The following SMPDL3A variants were observed in gnomAD, a reference collection of about 807,000 sequenced individuals.
SMPDL3A encodes sphingomyelin phosphodiesterase acid like 3A, also known as cyclic GMP-AMP phosphodiesterase SMPDL3A.
Under a neutral mutation model 38.5 loss-of-function variants are expected in SMPDL3A, and 39 were observed. That is an observed-to-expected ratio of 1.01 (90% CI 0.78 to 1.32). The LOEUF (loss-of-function observed/expected upper bound fraction) is 1.32. SMPDL3A is among the 40% of genes most tolerant of loss of function. SMPDL3A has a pLI of 0.00. For synonymous variants in SMPDL3A, 180 were observed against 194.3 expected (o/e 0.93, Z 0.61); for missense variants, 502 against 536.2 (o/e 0.94, Z 0.63).
intron 1 of SMPDL3A, among the ~76,000 whole-genome samples, chr6:122,790,827 A>C (rs2115156872): frequency 6.6e-6 from 1 of 152,274 alleles, no homozygotes; most frequent in South Asian, 2.1e-4. Context: ...CTGTGTTTTA[A>C]AGAGGCCTGA....
chr6:122,807,919 C>CCA (rs1439399821), intron 7 of SMPDL3A, among the ~76,000 whole-genome samples: 2 of 152,040 alleles, frequency 1.3e-5, no homozygotes, highest in African/African-American at 2.4e-5. Context: ...ATATATACAT[C>CCA]CACACACACA....
Position 122,801,325 on chromosome 6 carries a change from G to A in SMPDL3A, c.487G>A (p.Val163Ile). ...DYWPQDQLPV[V>I]TSKVYNAVAN... ...TTGTGGCCAGGATCAACTGCCTGTAGTCACCAGTAAAGTGTACAATGCAGT... is the reference window on the plus strand; with the variant it reads ...TTGTGGCCAGGATCAACTGCCTGTAATCACCAGTAAAGTGTACAATGCAGT... The change falls in exon 4 of 8, where the codon GTC becomes ATC. Residue 163 changes from valine to isoleucine, a missense_variant. Val to Ile is a conservative substitution (Grantham distance 29, BLOSUM62 3). Coordinates refer to ENST00000368440, the MANE Select transcript of SMPDL3A (RefSeq NM_006714.5). 6.2e-7 allele frequency: 1 copy of A among 1,612,480 alleles called. No individual in the cohort carries two copies. The highest frequency in any genetic ancestry group is 8.5e-7 in the Non-Finnish European group (1 of 1,178,538).
At chr6:122,805,178 A>G (rs1304653439) in intron 6 of SMPDL3A, 89 bp downstream of exon 6, 18 of 1,131,468 alleles carry the variant, frequency 1.6e-5, no homozygotes, top group East Asian at 1.5e-4. Flanking sequence ...TTAGTAAATT[A>G]AACGTTTTAT....
chr6:122,806,353 T>C lies in SMPDL3A; in HGVS notation c.1040T>C (p.Leu347Ser). Residue 347 changes from leucine (L) to serine (S), a missense_variant, in exon 7 of 8, where the codon TTA becomes TCA. Leu to Ser is a moderately radical substitution (Grantham distance 145). Transcript: ENST00000368440. ...CAGTATGATCCTCGTGATTATAAAT[T>C]ATTGGTAAGTTGGCAGATTTCAGAG... ...LFQYDPRDYK[L>S]LDMLQYYLNL... 1 of 1,603,470 alleles carries C rather than the reference T, an allele frequency of 6.2e-7. No homozygotes were observed. Among genetic ancestry groups the C allele is most frequent in the Non-Finnish European group, 8.5e-7 (1 of 1,174,020 alleles).
At chr6:122,800,566 G>C (rs1242371261) in intron 3 of SMPDL3A, among the ~76,000 whole-genome samples, 2 of 152,074 alleles carry the variant, frequency 1.3e-5, no homozygotes, top group Non-Finnish European at 2.9e-5. Flanking sequence ...TCTGTACATG[G>C]TACACACCTA....
At position 122,804,893 on chromosome 6, in the gene SMPDL3A, G is replaced by A. The variant is rs574105594; in HGVS notation, c.739-16G>A. ...AGAAAGATTCTCATGAGGCCTTTTTGTGTTTCTTTTTCCAGGTGTATATCA... is the reference window on the plus strand; with the variant it reads ...AGAAAGATTCTCATGAGGCCTTTTTATGTTTCTTTTTCCAGGTGTATATCA... On this transcript the variant is annotated splice_polypyrimidine_tract_variant and intron_variant, in intron 5 of 7. Coordinates refer to ENST00000368440, the MANE Select transcript of SMPDL3A (RefSeq NM_006714.5). 2.1e-4 allele frequency: 337 copies of A among 1,583,094 alleles called. 5 individuals are homozygous for A. In the South Asian group the frequency reaches 3.9e-3, roughly 18 times the overall value.
At chr6:122,805,842 C>T (rs1781595353) in intron 6 of SMPDL3A, among the ~76,000 whole-genome samples, 1 of 152,192 alleles carries the variant, frequency 6.6e-6, no homozygotes, top group African/African-American at 2.4e-5. Flanking sequence ...ATCTGCCCGC[C>T]TCGGCCTCCC....
intron 7 of SMPDL3A, among the ~76,000 whole-genome samples, chr6:122,807,849 T>C (rs1204965288): frequency 2.0e-5 from 3 of 152,164 alleles, no homozygotes; most frequent in Non-Finnish European, 4.4e-5. Context: ...GTGTGATAAA[T>C]TAGTCCAAAA....
chr6:122,795,666 G>A lies in SMPDL3A; in HGVS notation c.113-11G>A. On this transcript the variant is annotated splice_polypyrimidine_tract_variant and intron_variant, in intron 1 of 7. Coordinates refer to ENST00000368440, the MANE Select transcript of SMPDL3A (RefSeq NM_006714.5). ...AAGTAGATTTATCTGCATTTTTTGT[G>A]TAATCAACAGGACAGTTTTGGCATG... is the stretch of plus-strand genomic sequence containing the variant. 6.3e-7 allele frequency: 1 copy of A among 1,598,522 alleles called. No homozygotes were observed. The highest frequency in any genetic ancestry group is 1.1e-5 in the South Asian group (1 of 89,224).
At chr6:122,801,507 AC>A (rs1393383204) in intron 4 of SMPDL3A, 101 bp downstream of exon 4, 11 of 813,224 alleles carry the variant, frequency 1.4e-5, no homozygotes, top group Admixed American at 1.9e-5. Context: ...CTTCTGGAGC[AC>A]AGCCCCCAGT....
chr6:122,789,982 C>T, intron 1 of SMPDL3A: 1 of 622,174 alleles, frequency 1.6e-6, no homozygotes, highest in Non-Finnish European at 2.0e-6. Context: ...TGCCACTCAC[C>T]CAGCCAGAGC....
rs145742313 is a variant in SMPDL3A, at chr6:122,802,480, G to A, written c.568+1074G>A. ...GCCTCCCAAAGTGCTGGGATTACAG[G>A]CATGAGCCACCGTGCCCGGCCTATG... On this transcript the variant is annotated intron_variant, in intron 4 of 7. Transcript: ENST00000368440. Among the ~76,000 whole-genome samples, 3 of 152,096 alleles carry A rather than the reference G, an allele frequency of 2.0e-5. 1 individual carries two copies.
intron 5 of SMPDL3A, 151 bp downstream of exon 5, chr6:122,803,984 CTT>C (rs112270814): frequency 4.8e-3 from 2,352 of 493,848 alleles, no homozygotes; most frequent in South Asian, 7.2e-3. Context: ...GATTTTCTTT[CTT>C]TTTTTTTTTT....
intron 4 of SMPDL3A, among the ~76,000 whole-genome samples, chr6:122,802,990 CAAGA>C (rs1781476133): frequency 6.6e-6 from 1 of 152,126 alleles, no homozygotes; most frequent in Admixed American, 6.5e-5. Context: ...GTTGTGACTA[CAAGA>C]AAGAATAGAG....
At chr6:122,801,671 T>C (rs1562352431) in intron 4 of SMPDL3A, among the ~76,000 whole-genome samples, 1 of 152,242 alleles carries the variant, frequency 6.6e-6, no homozygotes, top group Non-Finnish European at 1.5e-5. Context: ...AAAGCTGAAC[T>C]TTGGATTTGA....
In SMPDL3A at chr6:122,809,071, G is replaced by A. The variant is rs772282687; in HGVS notation, c.1045-20G>A. The A allele has an allele frequency of 9.4e-6, 15 of 1,596,184 alleles. No individual in the cohort carries two copies. Among genetic ancestry groups the A allele is most frequent in the Non-Finnish European group, 1.1e-5 (13 of 1,165,876 alleles). The stretch of plus-strand genomic sequence containing the variant: ...TGTGCCAAAAAGTGAACCAGGTTTT[G>A]TTACTGTTCTTAACTGCAGGATATG... On this transcript the variant is annotated intron_variant, in intron 7 of 7. Transcript: ENST00000368440.
intron 3 of SMPDL3A, among the ~76,000 whole-genome samples, chr6:122,799,774 C>G (rs541706998): frequency 6.6e-6 from 1 of 152,266 alleles, no homozygotes; most frequent in African/African-American, 2.4e-5. Flanking sequence ...ACTACTAGGA[C>G]TTGGGCATCT....
At chr6:122,806,181 T>G (rs576475743) in intron 6 of SMPDL3A, 52 bp from the exon 7 acceptor site, 23 of 1,466,792 alleles carry the variant, frequency 1.6e-5, no homozygotes, top group Non-Finnish European at 2.1e-5. Flanking sequence ...ATTTTTAATA[T>G]AGTTAAACTC....
intron 6 of SMPDL3A, 52 bp from the exon 7 acceptor site, chr6:122,806,178 ATAT>A: frequency 6.9e-7 from 1 of 1,456,352 alleles, no homozygotes; most frequent in East Asian, 2.5e-5. Context: ...TATATTTTTA[ATAT>A]AGTTAAACTC....
Sources: allele counts gnomAD v4.1 joint callset (sites outside exome capture counted in the v4.1 genomes callset), GRCh38; gene constraint gnomAD v4.1.1; transcripts MANE v1.5; gene names NCBI Gene and HGNC (gene_info 2026-07-23, HGNC 2026-07-21).